Variants in CNTN1 observed in about 807,000 individuals in gnomAD.
CNTN1 encodes the protein contactin 1, also known as contactin-1.
CNTN1 carries 38 observed loss-of-function variants against 126.4 expected under a neutral mutation model. The observed-to-expected ratio is 0.30, with a 90% CI of 0.23 to 0.39. CNTN1 has a LOEUF of 0.39. Ranked by LOEUF, CNTN1 falls within the 10% of genes least tolerant of loss-of-function variation. CNTN1 has a pLI of 1.00. For missense variants in CNTN1, 1,009 were observed against 1,248.4 expected, an observed-to-expected ratio of 0.81 and a Z score of 2.89; for synonymous variants, 413 against 422.6, an observed-to-expected ratio of 0.98 and a Z score of 0.28.
chr12:40,831,043 A>G lies in CNTN1; in HGVS notation c.-76-77314A>G, dbSNP rs557102647. ...TATAGTATATATATTTACAGTATAT[A>G]TACTATAAATATATACAATACAGTA... On this transcript the variant is annotated intron_variant, in intron 1 of 23. Coordinates refer to ENST00000551295, the MANE Select transcript of CNTN1 (RefSeq NM_001843.4). Among the ~76,000 whole-genome samples the G allele has an allele frequency of 2.8e-5, 4 of 144,962 alleles. No individual in the cohort carries two copies. In the East Asian group the frequency reaches 7.9e-4, roughly 29 times the overall value.
At chr12:40,865,489 A>C (rs1158331918) in intron 1 of CNTN1, among the ~76,000 whole-genome samples, 1 of 152,044 alleles carries the variant, frequency 6.6e-6, no homozygotes, top group African/African-American at 2.4e-5. Context: ...TTACATTTAG[A>C]TTTATGACTT....
intron 4 of CNTN1, among the ~76,000 whole-genome samples, chr12:40,919,905 T>G (rs1403545656): frequency 6.6e-6 from 1 of 152,148 alleles, no homozygotes; most frequent in Non-Finnish European, 1.5e-5. Flanking sequence ...CCATATATAA[T>G]GAGAGCCTAT....
At chr12:41,022,672 T>C (rs1162480545) in intron 20 of CNTN1, among the ~76,000 whole-genome samples, 2 of 152,184 alleles carry the variant, frequency 1.3e-5, no homozygotes, top group African/African-American at 4.8e-5. Flanking sequence ...TGAGTTCTTA[T>C]TGTGCTAAAC....
intron 23 of CNTN1, among the ~76,000 whole-genome samples, chr12:41,031,851 T>C (rs1949151440): frequency 1.3e-5 from 2 of 152,236 alleles, no homozygotes; most frequent in Admixed American, 1.3e-4. Flanking sequence ...TTTTTAAGTT[T>C]GGATTTTCAA....
intron 22 of CNTN1, among the ~76,000 whole-genome samples, chr12:41,028,193 G>A (rs1046821528): frequency 1.3e-5 from 2 of 151,836 alleles, no homozygotes; most frequent in South Asian, 2.1e-4. Context: ...ACCCACACCC[G>A]GCTAATTTTT....
At chr12:40,973,079 A>C (rs937492103) in intron 15 of CNTN1, among the ~76,000 whole-genome samples, 3 of 152,094 alleles carry the variant, frequency 2.0e-5, no homozygotes, top group Admixed American at 2.0e-4. Context: ...GGACAACCTT[A>C]AACTATATCA....
intron 23 of CNTN1, among the ~76,000 whole-genome samples, chr12:41,034,455 CCATTTCCTAAGTATTG>C (rs1288469359): frequency 2.0e-5 from 3 of 152,144 alleles, no homozygotes; most frequent in African/African-American, 7.2e-5. Flanking sequence ...CCTCCCTTCT[CCATTTCCTAAGTATTG>C]CAGTGTAAGA....
chr12:41,023,541 A>G (rs753601249), intron 20 of CNTN1, among the ~76,000 whole-genome samples: 4 of 152,230 alleles, frequency 2.6e-5, no homozygotes, highest in African/African-American at 4.8e-5. Flanking sequence ...CAAAAGACTT[A>G]GTTTGCTCAC....
chr12:41,048,957 C>T (rs571633948), intron 23 of CNTN1, among the ~76,000 whole-genome samples: 1 of 152,276 alleles, frequency 6.6e-6, no homozygotes, highest in East Asian at 1.9e-4. Flanking sequence ...CACCACAACA[C>T]CCTGTCAAAA....
intron 15 of CNTN1, among the ~76,000 whole-genome samples, chr12:40,966,931 T>A (rs1947327420): frequency 6.6e-6 from 1 of 152,204 alleles, no homozygotes; most frequent in South Asian, 2.1e-4. Context: ...GGAGGATTTC[T>A]TCTTTTCTGC....
rs747130472 is a variant in CNTN1, at chr12:40,924,597, A to G, written c.441A>G (p.Arg147=). 7.5e-6 allele frequency: 12 copies of G among 1,608,652 alleles called. No homozygotes were observed. The highest frequency in any genetic ancestry group is 3.3e-5 in the Admixed American group (2 of 59,874). ...PFPPEERPEV[R]VKEGKGMVLL... Reference sequence around the variant, plus strand: ...CACCTGAGGAACGTCCTGAGGTCAGAGTAAAAGAAGGGAAAGGAATGGTGC... The same window carrying G: ...CACCTGAGGAACGTCCTGAGGTCAGGGTAAAAGAAGGGAAAGGAATGGTGC... Residue 147 remains arginine (R), a synonymous_variant, in exon 6 of 24, where the codon AGA becomes AGG. Transcript: ENST00000551295.
chr12:40,847,553 G>T (rs570595136), intron 1 of CNTN1, among the ~76,000 whole-genome samples: 1 of 152,180 alleles, frequency 6.6e-6, no homozygotes, highest in South Asian at 2.1e-4. Context: ...CTCTTAATTT[G>T]TGTTACTTTC....
intron 15 of CNTN1, among the ~76,000 whole-genome samples, chr12:40,970,513 CA>C (rs1226135076): frequency 1.3e-5 from 2 of 151,936 alleles, no homozygotes; most frequent in Non-Finnish European, 2.9e-5. Flanking sequence ...TAGCTATCTC[CA>C]GGGGGCAGTA....
chr12:40,821,738 A>AT (rs1335235656), intron 1 of CNTN1, among the ~76,000 whole-genome samples: 1 of 151,934 alleles, frequency 6.6e-6, no homozygotes, highest in Non-Finnish European at 1.5e-5. Flanking sequence ...TTTATTTTTA[A>AT]TTTTTTTCTT....
At chr12:40,819,931 T>G (rs1941393098) in intron 1 of CNTN1, among the ~76,000 whole-genome samples, 1 of 152,060 alleles carries the variant, frequency 6.6e-6, no homozygotes, top group South Asian at 2.1e-4. Flanking sequence ...CCTTGTGTCG[T>G]TCTCAGGTTG....
intron 1 of CNTN1, among the ~76,000 whole-genome samples, chr12:40,839,836 T>C (rs1942206805): frequency 6.6e-6 from 1 of 151,934 alleles, no homozygotes; most frequent in African/African-American, 2.4e-5. Flanking sequence ...AAATCACTGG[T>C]TAAAATAATA....
At chr12:40,957,187 T>C (rs1946917284) in intron 14 of CNTN1, among the ~76,000 whole-genome samples, 2 of 151,884 alleles carry the variant, frequency 1.3e-5, no homozygotes, top group Non-Finnish European at 2.9e-5. Flanking sequence ...AAAAACAGAA[T>C]AGATATTGTC....
At chr12:41,038,122 T>C (rs1018233507) in intron 23 of CNTN1, among the ~76,000 whole-genome samples, 2 of 152,034 alleles carry the variant, frequency 1.3e-5, no homozygotes, top group Non-Finnish European at 2.9e-5. Context: ...GGCCACCACA[T>C]GCTAGCCTGG....
intron 1 of CNTN1, among the ~76,000 whole-genome samples, chr12:40,817,618 C>G (rs1174427457): frequency 2.0e-5 from 3 of 151,060 alleles, no homozygotes; most frequent in Non-Finnish European, 4.4e-5. Context: ...ACTCCTTATC[C>G]AGTTTGCCAG....
Sources: allele counts gnomAD v4.1 joint callset (sites outside exome capture counted in the v4.1 genomes callset), GRCh38; gene constraint gnomAD v4.1.1; transcripts MANE v1.5; gene names NCBI Gene and HGNC (gene_info 2026-07-23, HGNC 2026-07-21).